COX6C: variants seen among roughly 807,000 people sequenced by gnomAD.
COX6C encodes cytochrome c oxidase polypeptide VIc.
A neutral mutation model predicts 6.9 loss-of-function variants in COX6C; 3 were observed. The ratio of observed to expected loss-of-function variants is 0.43; its 90% CI spans 0.20 to 1.12. The LOEUF (loss-of-function observed/expected upper bound fraction) is 1.12, where lower values mean the gene tolerates loss of function less well. Ranked by LOEUF, COX6C falls within the 50% of genes most tolerant of loss-of-function variation. The pLI is 0.27. For missense variants in COX6C, 101 were observed against 97.3 expected, an observed-to-expected ratio of 1.04 and a Z score of -0.16; for synonymous variants, 32 against 32.0, an observed-to-expected ratio of 1.00 and a Z score of 0.00.
At chr8:99,885,061 G>T (rs1297571766) in intron 3 of COX6C, among the ~76,000 whole-genome samples, 2 of 152,182 alleles carry the variant, frequency 1.3e-5, no homozygotes, top group Admixed American at 6.5e-5. Context: ...GTGAAAGAAA[G>T]AACAAAGCTA....
intron 2 of COX6C, among the ~76,000 whole-genome samples, chr8:99,889,239 C>A (rs1817995708): frequency 6.6e-6 from 1 of 152,152 alleles, no homozygotes; most frequent in African/African-American, 2.4e-5. Context: ...AAGCATAGGT[C>A]CACTTAGTGC....
intron 3 of COX6C, among the ~76,000 whole-genome samples, chr8:99,885,605 A>T (rs750894761): frequency 6.6e-6 from 1 of 152,244 alleles, no homozygotes; most frequent in Non-Finnish European, 1.5e-5. Context: ...CCACATGTAA[A>T]AGAATACAGT....
chr8:99,881,936 G>A (rs1486108834), intron 3 of COX6C, among the ~76,000 whole-genome samples: 1 of 152,116 alleles, frequency 6.6e-6, no homozygotes, highest in Admixed American at 6.5e-5. Context: ...AGGAGAACAG[G>A]GGTAGCTACA....
chr8:99,891,458 G>C (rs915818613), intron 2 of COX6C, among the ~76,000 whole-genome samples: 1 of 151,858 alleles, frequency 6.6e-6, no homozygotes, highest in Admixed American at 6.6e-5. Context: ...CCGGGAGACA[G>C]AGTAAGACCC....
At chr8:99,878,396 A>G (rs1174543456) in intron 3 of COX6C, 131 bp from the exon 4 acceptor site, 1 of 152,240 alleles carries the variant, frequency 6.6e-6, no homozygotes, top group Admixed American at 6.5e-5. Flanking sequence ...AGCCACAGAA[A>G]AAGCACAGTT....
At chr8:99,880,618 G>A (rs1353581686) in intron 3 of COX6C, among the ~76,000 whole-genome samples, 1 of 152,050 alleles carries the variant, frequency 6.6e-6, no homozygotes, top group Admixed American at 6.5e-5. Context: ...GCTCATGCCT[G>A]TAATCTGGGA....
rs1173041642 is a variant in COX6C, at chr8:99,878,005, G to A, written c.*276C>T. ...GCAATGAAACGGACAAACTATCACAGTTAAAGATGTGCTAGAACAATGAAA... is the reference window on the plus strand; with the variant it reads ...GCAATGAAACGGACAAACTATCACAATTAAAGATGTGCTAGAACAATGAAA... On this transcript the variant is annotated 3_prime_UTR_variant, in exon 4 of 4. Transcript: ENST00000520468. The A allele has an allele frequency of 6.6e-6, 1 of 152,170 alleles. No homozygotes were observed. The highest frequency in any genetic ancestry group is 1.5e-5 in the Non-Finnish European group (1 of 68,028). The allele number at this position is 152,170 out of a possible 1,614,324, so 9.4% of individuals were successfully genotyped here. A position where few individuals can be genotyped will look rare whatever the true frequency, so the allele number is the denominator to read the frequency against.
chr8:99,889,094 T>C (rs914092276), intron 2 of COX6C, among the ~76,000 whole-genome samples: 5 of 152,186 alleles, frequency 3.3e-5, no homozygotes, highest in African/African-American at 1.2e-4. Flanking sequence ...CAAATTTAGC[T>C]AAACTAAGGA....
At chr8:99,890,890 T>C (rs1818023033) in intron 2 of COX6C, among the ~76,000 whole-genome samples, 1 of 152,234 alleles carries the variant, frequency 6.6e-6, no homozygotes, top group South Asian at 2.1e-4. Flanking sequence ...CCACCATTCC[T>C]GCACGTTCCA....
At chr8:99,889,231 G>A (rs1817995505) in intron 2 of COX6C, among the ~76,000 whole-genome samples, 1 of 152,012 alleles carries the variant, frequency 6.6e-6, no homozygotes, top group African/African-American at 2.4e-5. Context: ...GAGTCCCAAA[G>A]CATAGGTCCA....
intron 3 of COX6C, 104 bp downstream of exon 3, chr8:99,887,386 G>A (rs562059974): frequency 1.7e-4 from 102 of 587,610 alleles, no homozygotes; most frequent in Non-Finnish European, 2.6e-4. Context: ...CCATCGTAAA[G>A]TCAAAAAATC....
intron 3 of COX6C, among the ~76,000 whole-genome samples, chr8:99,886,896 C>T (rs893035175): frequency 1.3e-5 from 2 of 152,122 alleles, no homozygotes; most frequent in Admixed American, 6.5e-5. Flanking sequence ...TGTAAGATGA[C>T]GAGTTCTGGA....
At chr8:99,882,496 A>C (rs1386863870) in intron 3 of COX6C, among the ~76,000 whole-genome samples, 1 of 152,188 alleles carries the variant, frequency 6.6e-6, no homozygotes, top group Non-Finnish European at 1.5e-5. Flanking sequence ...AGAAATTACA[A>C]GGAAATTTTT....
At chr8:99,888,983 AG>A (rs1817990409) in intron 2 of COX6C, among the ~76,000 whole-genome samples, 1 of 152,164 alleles carries the variant, frequency 6.6e-6, no homozygotes, top group Non-Finnish European at 1.5e-5. Flanking sequence ...TGCTTTGCTG[AG>A]AGTCTGTTTT....
intron 3 of COX6C, among the ~76,000 whole-genome samples, chr8:99,883,931 C>G (rs1350362730): frequency 6.6e-6 from 1 of 152,106 alleles, no homozygotes; most frequent in Non-Finnish European, 1.5e-5. Flanking sequence ...TCAAAAAATG[C>G]AGAAAAAGTA....
At chr8:99,889,049 T>G (rs1418809210) in intron 2 of COX6C, among the ~76,000 whole-genome samples, 1 of 152,234 alleles carries the variant, frequency 6.6e-6, no homozygotes, top group African/African-American at 2.4e-5. Context: ...AATGTTTCCA[T>G]GTGCCTAATT....
At chr8:99,882,176 G>C (rs890889441) in intron 3 of COX6C, among the ~76,000 whole-genome samples, 3 of 152,030 alleles carry the variant, frequency 2.0e-5, no homozygotes, top group African/African-American at 7.3e-5. Context: ...ATAATTGACA[G>C]AACAACTAGA....
At chr8:99,893,253 A>G (rs1818084377) in intron 1 of COX6C, 1 of 152,336 alleles carries the variant, frequency 6.6e-6, no homozygotes, top group African/African-American at 2.4e-5. Context: ...GACCAGCTGC[A>G]TTAGAAACCA....
At chr8:99,883,769 A>G (rs1172781881) in intron 3 of COX6C, among the ~76,000 whole-genome samples, 1 of 152,188 alleles carries the variant, frequency 6.6e-6, no homozygotes, top group African/African-American at 2.4e-5. Flanking sequence ...ATCGTCAACA[A>G]AACACTAGCA....
Sources: allele counts gnomAD v4.1 joint callset (sites outside exome capture counted in the v4.1 genomes callset), GRCh38; gene constraint gnomAD v4.1.1; transcripts MANE v1.5; gene names NCBI Gene and HGNC (gene_info 2026-07-23, HGNC 2026-07-21).